Variants in RAB38 observed in about 807,000 individuals in gnomAD.
RAB38 encodes ras-related protein Rab-38.
A neutral mutation model predicts 18.4 loss-of-function variants in RAB38; 15 were observed. The observed-to-expected ratio is 0.82, with a 90% confidence interval of 0.55 to 1.26. The LOEUF (loss-of-function observed/expected upper bound fraction) is 1.26. RAB38 is among the 50% of genes most tolerant of loss of function. The probability of loss-of-function intolerance (pLI) is 0.00; values close to 1 mark genes in which losing one functional copy is unlikely to be tolerated. For synonymous variants in RAB38, 101 were observed against 104.4 expected (o/e 0.97, Z 0.20); for missense variants, 294 against 267.4 (o/e 1.10, Z -0.69).
At chr11:88,151,878 G>C (rs929881270) in intron 1 of RAB38, among the ~76,000 whole-genome samples, 5 of 151,986 alleles carry the variant, frequency 3.3e-5, no homozygotes, top group Non-Finnish European at 5.9e-5. Flanking sequence ...AGTATCACTG[G>C]AAAAAAAGAG....
chr11:87,879,680 C>G, the RAB38 span: 2 of 151,576 alleles, frequency 1.3e-5, no homozygotes, highest in Non-Finnish European at 2.9e-5. Flanking sequence ...ATTATCTCAT[C>G]TGGGGTAAAA....
chr11:88,055,754 T>A, the RAB38 span, among the ~76,000 whole-genome samples: 1 of 151,984 alleles, frequency 6.6e-6, no homozygotes, highest in Non-Finnish European at 1.5e-5. Context: ...CCAGGAAGAA[T>A]GAAGGAAAAC....
the RAB38 span, among the ~76,000 whole-genome samples, chr11:88,008,304 A>G: frequency 6.6e-6 from 1 of 152,204 alleles, no homozygotes; most frequent in Non-Finnish European, 1.5e-5. Flanking sequence ...TAAAATTAAA[A>G]TCTGACCAAA....
At chr11:88,148,964 C>A (rs1420757579) in intron 2 of RAB38, among the ~76,000 whole-genome samples, 1 of 150,614 alleles carries the variant, frequency 6.6e-6, no homozygotes, top group Non-Finnish European at 1.5e-5. Context: ...TAAATACAGG[C>A]AAAAACAAAA....
At chr11:87,927,824 T>C in the RAB38 span, among the ~76,000 whole-genome samples, 2 of 151,952 alleles carry the variant, frequency 1.3e-5, no homozygotes, top group South Asian at 4.1e-4. Context: ...CCCAGCACTT[T>C]AGGAGGCTGA....
chr11:88,035,357 A>AT, the RAB38 span, among the ~76,000 whole-genome samples: 7 of 151,956 alleles, frequency 4.6e-5, no homozygotes, highest in East Asian at 1.9e-4. Flanking sequence ...AACTTTTAAG[A>AT]TTTTTTTTCT....
chr11:87,976,733 AATATATATTTATATATTT>A, the RAB38 span, among the ~76,000 whole-genome samples: 2 of 119,150 alleles, frequency 1.7e-5, no homozygotes, highest in African/African-American at 3.4e-5. Flanking sequence ...TATTTTATAT[AATATATATTTATATATTT>A]ATATATATTT....
At chr11:88,173,944 A>G (rs1943343475) in intron 1 of RAB38, 2 of 985,344 alleles carry the variant, frequency 2.0e-6, no homozygotes, top group South Asian at 9.4e-5. Flanking sequence ...GTTTCAAGCC[A>G]TGATAAAGAG....
chr11:88,025,576 TG>T, the RAB38 span, among the ~76,000 whole-genome samples: 1 of 152,188 alleles, frequency 6.6e-6, no homozygotes, highest in Non-Finnish European at 1.5e-5. Flanking sequence ...CCATTCTGAC[TG>T]GTGTGAGATG....
the RAB38 span, among the ~76,000 whole-genome samples, chr11:87,899,008 A>G: frequency 6.6e-6 from 1 of 151,648 alleles, no homozygotes; most frequent in Non-Finnish European, 1.5e-5. Context: ...TGTCAACAAC[A>G]CTTAGGCAGG....
the RAB38 span, among the ~76,000 whole-genome samples, chr11:88,011,176 A>C: frequency 6.6e-6 from 1 of 152,208 alleles, no homozygotes; most frequent in African/African-American, 2.4e-5. Flanking sequence ...TATAGTTCCC[A>C]CTTAATATGT....
At chr11:88,010,033 T>C in the RAB38 span, among the ~76,000 whole-genome samples, 2,440 of 152,262 alleles carry the variant, frequency 0.016, 65 homozygotes, top group African/African-American at 0.057. Context: ...TTTTTAATAA[T>C]TTTGTGTATG....
the RAB38 span, among the ~76,000 whole-genome samples, chr11:87,825,618 T>C: frequency 2.0e-5 from 3 of 152,160 alleles, no homozygotes; most frequent in African/African-American, 7.2e-5. Flanking sequence ...AATAATGTCA[T>C]ATATTGAAGA....
At chr11:88,086,317 G>A in the RAB38 span, among the ~76,000 whole-genome samples, 1 of 151,864 alleles carries the variant, frequency 6.6e-6, no homozygotes, top group Non-Finnish European at 1.5e-5. Flanking sequence ...GTTATGCCAA[G>A]GAGTAGTAGA....
At chr11:87,838,722 A>T in the RAB38 span, among the ~76,000 whole-genome samples, 1 of 152,148 alleles carries the variant, frequency 6.6e-6, no homozygotes, top group Non-Finnish European at 1.5e-5. Context: ...TCATATTTCT[A>T]TGTTTTAATT....
the RAB38 span, among the ~76,000 whole-genome samples, chr11:88,031,312 C>G: frequency 6.7e-6 from 1 of 149,724 alleles, no homozygotes; most frequent in South Asian, 2.1e-4. Context: ...CCTTTGAAAA[C>G]TGGCACAAGA....
chr11:87,814,607 A>T, the RAB38 span, among the ~76,000 whole-genome samples: 1 of 152,186 alleles, frequency 6.6e-6, no homozygotes, highest in Non-Finnish European at 1.5e-5. Context: ...TTGGGTGTTG[A>T]TGGTGAAGCA....
chr11:88,090,698 T>A, the RAB38 span, among the ~76,000 whole-genome samples: 1 of 151,854 alleles, frequency 6.6e-6, no homozygotes, highest in Admixed American at 6.6e-5. Context: ...AACCCACAGC[T>A]CTGGAGGAAA....
the RAB38 span, among the ~76,000 whole-genome samples, chr11:87,967,066 A>T: frequency 1.3e-5 from 2 of 152,246 alleles, no homozygotes; most frequent in African/African-American, 2.4e-5. Flanking sequence ...CTTGGAGAGG[A>T]AATAATGAAG....
Sources: gnomAD v4.1 joint callset for allele counts (sites outside exome capture counted in the v4.1 genomes callset) on GRCh38, gnomAD v4.1.1 for gene constraint, MANE v1.5 for transcripts, NCBI Gene and HGNC (gene_info 2026-07-23, HGNC 2026-07-21) for gene names.